Variants in NAPB observed in about 807,000 individuals in gnomAD.
The protein encoded by NAPB is NSF attachment protein beta.
In NAPB, 26 loss-of-function variants were observed where a neutral mutation model predicts 44.7. That is an observed-to-expected ratio of 0.58 (90% CI 0.43 to 0.81). The LOEUF is 0.81. Among genes scored for constraint, NAPB ranks in the 30% least tolerant of loss-of-function variants. The pLI is 0.00. For missense variants in NAPB, 315 were observed against 356.4 expected (o/e 0.88, Z 0.94); for synonymous variants, 120 against 116.8 (o/e 1.03, Z -0.18).
chr20:23,414,275 G>A (rs1985856272), intron 1 of NAPB, among the ~76,000 whole-genome samples: 4 of 152,090 alleles, frequency 2.6e-5, no homozygotes, highest in Admixed American at 2.6e-4. Context: ...TGAGTAATGA[G>A]CACATCACTG....
At chr20:23,403,597 A>G (rs940028602) in intron 1 of NAPB, among the ~76,000 whole-genome samples, 15 of 148,898 alleles carry the variant, frequency 1.0e-4, no homozygotes, top group South Asian at 8.7e-4. Context: ...GAGCAAAACT[A>G]TGTCTCAAAA....
intron 7 of NAPB, 35 bp from the exon 8 acceptor site, chr20:23,381,352 T>C (rs376152452): frequency 1.0e-5 from 14 of 1,375,754 alleles, no homozygotes; most frequent in Admixed American, 7.0e-5. Context: ...TTTAAAAGAT[T>C]TACCCTCTTA....
intron 3 of NAPB, among the ~76,000 whole-genome samples, chr20:23,395,983 A>G (rs1334726459): frequency 6.6e-6 from 1 of 152,222 alleles, no homozygotes; most frequent in Admixed American, 6.5e-5. Flanking sequence ...AACTACATAA[A>G]AAATGTGGAT....
chr20:23,378,570 T>A (rs937958573), intron 10 of NAPB, among the ~76,000 whole-genome samples: 1 of 149,814 alleles, frequency 6.7e-6, no homozygotes, highest in South Asian at 2.1e-4. Flanking sequence ...GCCTCCCGAG[T>A]AGCTGGTATT....
rs118045169 is a variant in NAPB at position 23,413,113 on chromosome 20, A to G, written c.98+8192T>C. On this transcript the variant is annotated intron_variant, in intron 1 of 10. Coordinates refer to ENST00000377026, the MANE Select transcript of NAPB (RefSeq NM_022080.3). ...GGAGTTCGAGACCATCCTGGGAAAC[A>G]CAGCAAGATTCCGTGTCGAAAAAAA... Among the ~76,000 whole-genome samples the G allele has an allele frequency of 4.4e-3, 674 of 152,322 alleles. 5 individuals carry two copies. The highest frequency in any genetic ancestry group is 9.1e-3 in the Admixed American group (139 of 15,294).
At chr20:23,402,011 C>T (rs1228948082) in intron 2 of NAPB, among the ~76,000 whole-genome samples, 3 of 152,320 alleles carry the variant, frequency 2.0e-5, no homozygotes, top group South Asian at 2.1e-4. Flanking sequence ...AAACTGTTTT[C>T]TCCACCATTT....
At chr20:23,413,149 A>G (rs1051794944) in intron 1 of NAPB, among the ~76,000 whole-genome samples, 3 of 151,148 alleles carry the variant, frequency 2.0e-5, no homozygotes, top group African/African-American at 7.4e-5. Context: ...AATTTTAAGT[A>G]AAGTGTACCT....
Position 23,392,790 on chromosome 20 carries a change from T to C in NAPB, c.420+2132A>G, listed in dbSNP as rs1298875137. The stretch of plus-strand genomic sequence containing the variant: ...CTCCTGCCTTGGCCTCCCAAAGTGG[T>C]AGGATTATAGGCATCAGCCACTGTA... On this transcript the variant is annotated intron_variant, in intron 5 of 10. Transcript: ENST00000377026. Among the ~76,000 whole-genome samples the C allele has an allele frequency of 3.3e-5, 5 of 151,798 alleles. No individual in the cohort carries two copies. The South Asian group carries it at 8.3e-4, about 25-fold the overall frequency.
At chr20:23,401,231 T>G (rs1387195822) in intron 2 of NAPB, among the ~76,000 whole-genome samples, 1 of 152,186 alleles carries the variant, frequency 6.6e-6, no homozygotes, top group African/African-American at 2.4e-5. Context: ...AGCTCTTATT[T>G]GGAATGATAT....
At chr20:23,389,846 G>T (rs1169572015) in intron 7 of NAPB, 100 bp downstream of exon 7, 1 of 971,448 alleles carries the variant, frequency 1.0e-6, no homozygotes, top group Non-Finnish European at 1.6e-6. Context: ...TACTCATTAC[G>T]TGATGTGTGG....
intron 7 of NAPB, among the ~76,000 whole-genome samples, chr20:23,387,376 T>G (rs749430607): frequency 9.9e-5 from 15 of 152,152 alleles, no homozygotes; most frequent in Non-Finnish European, 1.9e-4. Context: ...AACACTGCAC[T>G]GGAGATTCTA....
At chr20:23,421,225 A>G in intron 1 of NAPB, 80 bp downstream of exon 1, 6 of 1,235,204 alleles carry the variant, frequency 4.9e-6, no homozygotes, top group Non-Finnish European at 6.7e-6. Context: ...TGCGTGGGGG[A>G]CTCGGGGGGT....
At chr20:23,419,308 G>C (rs1986225943) in intron 1 of NAPB, among the ~76,000 whole-genome samples, 1 of 152,052 alleles carries the variant, frequency 6.6e-6, no homozygotes, top group African/African-American at 2.4e-5. Flanking sequence ...GAATGGTGAA[G>C]ATTCGTCTTC....
At chr20:23,388,017 G>A (rs1377828672) in intron 7 of NAPB, among the ~76,000 whole-genome samples, 1 of 152,158 alleles carries the variant, frequency 6.6e-6, no homozygotes. Context: ...TTAAAAGGAA[G>A]AATTCATTCT....
chr20:23,388,068 T>C (rs973838316), intron 7 of NAPB, among the ~76,000 whole-genome samples: 2 of 152,338 alleles, frequency 1.3e-5, no homozygotes, highest in South Asian at 4.1e-4. Context: ...ATTCTCCTGA[T>C]TCAGACTTGG....
At chr20:23,377,866 T>C (rs1568600451) in intron 10 of NAPB, among the ~76,000 whole-genome samples, 1 of 152,196 alleles carries the variant, frequency 6.6e-6, no homozygotes, top group African/African-American at 2.4e-5. Context: ...AGAATATGTA[T>C]GGAAGCGGAA....
chr20:23,383,680 T>TA (rs1174218327), intron 7 of NAPB, among the ~76,000 whole-genome samples: 3 of 152,180 alleles, frequency 2.0e-5, no homozygotes, highest in Admixed American at 6.5e-5. Flanking sequence ...AGACCTACCC[T>TA]AAAAAAATGA....
At chr20:23,403,746 T>C (rs1205800280) in intron 1 of NAPB, among the ~76,000 whole-genome samples, 2 of 152,172 alleles carry the variant, frequency 1.3e-5, no homozygotes, top group Admixed American at 6.5e-5. Context: ...TCTGAGTAGT[T>C]AAAAGTACGT....
rs1434776005 is a variant in NAPB, at chr20:23,421,447, G to A, written c.-45C>T. On this transcript the variant is annotated 5_prime_UTR_variant, in exon 1 of 11. Coordinates refer to ENST00000377026, the MANE Select transcript of NAPB (RefSeq NM_022080.3). ...ACAGCCCCCTCAGCCGGCTCGCTGT[G>A]CGCCCAGGCGCCTTAACCCTCCCTC... 5 of 1,514,098 alleles carry A rather than the reference G, an allele frequency of 3.3e-6. No individual in the cohort carries two copies. Among genetic ancestry groups the A allele is most frequent in the South Asian group, 1.2e-5 (1 of 82,490 alleles). The allele number at this position is 1,514,098 out of a possible 1,614,324, so 93.8% of individuals were successfully genotyped here. A position where few individuals can be genotyped will look rare whatever the true frequency, so the allele number is the denominator to read the frequency against.
Sources: allele counts gnomAD v4.1 joint callset (sites outside exome capture counted in the v4.1 genomes callset), GRCh38; gene constraint gnomAD v4.1.1; transcripts MANE v1.5; gene names NCBI Gene and HGNC (gene_info 2026-07-23, HGNC 2026-07-21).